ITGB2: variants seen among roughly 807,000 people sequenced by gnomAD.
ITGB2 encodes the protein integrin beta-2.
In ITGB2, 56 loss-of-function variants were observed where a neutral mutation model predicts 86.8. The ratio of observed to expected loss-of-function variants is 0.65; its 90% confidence interval spans 0.52 to 0.81. The LOEUF is 0.81. Among genes scored for constraint, ITGB2 ranks in the 30% least tolerant of loss-of-function variants. The probability of loss-of-function intolerance (pLI) is 0.00; values close to 1 mark genes in which losing one functional copy is unlikely to be tolerated. For synonymous variants in ITGB2, 457 were observed against 450.4 expected (o/e 1.01, Z -0.19); for missense variants, 948 against 1,061.2 (o/e 0.89, Z 1.48).
chr21:44,927,613 T>G, intron 1 of ITGB2: 1 of 152,240 alleles, frequency 6.6e-6, no homozygotes, highest in Admixed American at 6.5e-5. Flanking sequence ...CTTTTTCACT[T>G]CTTCCCCCCA....
chr21:44,902,782 G>T (rs368385790), intron 5 of ITGB2, among the ~76,000 whole-genome samples: 1 of 152,066 alleles, frequency 6.6e-6, no homozygotes, highest in Non-Finnish European at 1.5e-5. Flanking sequence ...GTGTGTGAGC[G>T]TGCATTTGTG....
chr21:44,906,770 TG>T, intron 4 of ITGB2, 144 bp downstream of exon 4: 2 of 817,264 alleles, frequency 2.4e-6, no homozygotes, highest in Non-Finnish European at 4.0e-6. Context: ...CCAGCAGCCT[TG>T]GGGCTTCACT....
At position 44,892,090 on chromosome 21, in the gene ITGB2, T is replaced by G. The variant is rs1038124306; in HGVS notation, c.1225-94A>C. ...CACCTCCTGGCCTCTGCAGGGGTCC[T>G]GGGGGGTTCAGCGTGGGGAGGAAGG... is the stretch of plus-strand genomic sequence containing the variant. On this transcript the variant is annotated intron_variant, in intron 10 of 15. Transcript: ENST00000652462. 619 of 1,290,158 alleles carry G rather than the reference T, an allele frequency of 4.8e-4. 8 individuals are homozygous for G. Among genetic ancestry groups the G allele is most frequent in the Non-Finnish European group, 9.6e-5 (88 of 919,446 alleles). The allele number at this position is 1,290,158 out of a possible 1,614,324, so 79.9% of individuals were successfully genotyped here.
In ITGB2 at chr21:44,902,837, T is replaced by C. The variant is rs2083985254; in HGVS notation, c.499+528A>G. ...GTGTGTGTGTGTTATCGTGCATGTG[T>C]GCATCCCCGCATGTAGGGAAGGTGG... is the stretch of plus-strand genomic sequence containing the variant. On this transcript the variant is annotated intron_variant, in intron 5 of 15. Coordinates refer to ENST00000652462, the MANE Select transcript of ITGB2 (RefSeq NM_000211.5). 2.0e-5 allele frequency among the ~76,000 whole-genome samples: 3 copies of C among 152,338 alleles called. No homozygotes were observed. The South Asian group carries it at 6.2e-4, about 32-fold the overall frequency.
rs561251271 is a variant in ITGB2, at chr21:44,886,201, G to A, written c.*167C>T. 5.4e-3 allele frequency: 3,745 copies of A among 689,398 alleles called. 18 individuals are homozygous for A. Among genetic ancestry groups the A allele is most frequent in the Non-Finnish European group, 7.8e-3 (2,972 of 380,286 alleles). 42.7% of individuals were successfully genotyped at this position (689,398 alleles called of 1,614,324 possible). On this transcript the variant is annotated 3_prime_UTR_variant, in exon 16 of 16. Coordinates refer to ENST00000652462, the MANE Select transcript of ITGB2 (RefSeq NM_000211.5). Reference sequence around the variant, plus strand: ...GTCAGAGTGGAGCTGTCCCCCCGACGAGCCCCCAGAAGCACCCGGCCGGCC... The same window carrying A: ...GTCAGAGTGGAGCTGTCCCCCCGACAAGCCCCCAGAAGCACCCGGCCGGCC...
At chr21:44,896,040 A>C (rs1014246550) in intron 8 of ITGB2, among the ~76,000 whole-genome samples, 4 of 151,776 alleles carry the variant, frequency 2.6e-5, no homozygotes, top group Admixed American at 2.6e-4. Context: ...CTGCGGTGTG[A>C]GTGCTCCCGC....
At chr21:44,924,567 A>C (rs940928266), upstream of ITGB2, among the ~76,000 whole-genome samples, 1 of 152,248 alleles carries the variant, frequency 6.6e-6, no homozygotes, top group South Asian at 2.1e-4. Context: ...AATGATAAAC[A>C]CATAATTACT....
At position 44,891,935 on chromosome 21, in the gene ITGB2, C is replaced by T. The variant is rs775531955; in HGVS notation, c.1286G>A (p.Arg429Gln). ...CACTATGTCCGTGAAGCCCAGCGCC[C>T]GGATGACAAACGACTGCTCCTGGAT... is the stretch of plus-strand genomic sequence containing the variant. ...ECIQEQSFVI[R>Q]ALGFTDIVTV... The change falls in exon 11 of 16, where the codon CGG becomes CAG. Residue 429 changes from arginine (R) to glutamine (Q), a missense_variant. Coordinates refer to ENST00000652462, the MANE Select transcript of ITGB2 (RefSeq NM_000211.5). The T allele has an allele frequency of 4.3e-6, 7 of 1,613,298 alleles. No individual in the cohort carries two copies. Among genetic ancestry groups the T allele is most frequent in the Admixed American group, 1.7e-5 (1 of 60,004 alleles).
chr21:44,886,619 C>T, intron 15 of ITGB2, 117 bp downstream of exon 15: 2 of 1,504,792 alleles, frequency 1.3e-6, no homozygotes, highest in South Asian at 1.1e-5. Context: ...GGACAAGCTG[C>T]CTGGGGAGGC....
intron 1 of ITGB2, among the ~76,000 whole-genome samples, chr21:44,918,695 T>C (rs1254555045): frequency 2.0e-5 from 3 of 152,198 alleles, no homozygotes; most frequent in Non-Finnish European, 4.4e-5. Context: ...CTCCTGGTGG[T>C]GGCCGTGTTG....
At chr21:44,910,889 T>G in intron 1 of ITGB2, 104 bp from the exon 2 acceptor site, 1 of 1,159,042 alleles carries the variant, frequency 8.6e-7, no homozygotes, top group Non-Finnish European at 1.3e-6. Context: ...GCTGGGGCCC[T>G]GTCCCTGCTG....
intron 4 of ITGB2, among the ~76,000 whole-genome samples, chr21:44,904,299 G>GAC (rs557327809): frequency 0.037 from 5,612 of 151,782 alleles, 344 homozygotes; most frequent in African/African-American, 0.13. Flanking sequence ...CCTCCTCACA[G>GAC]ACACACACAC....
Position 44,893,457 on chromosome 21 carries a change from T to A in ITGB2, c.1171A>T (p.Thr391Ser). ...TYDSFCSNGVTHRNQPRGDCD... is the reference protein window; with the variant it reads ...TYDSFCSNGVSHRNQPRGDCD... ...TCACCTCTGGGCTGGTTCCTGTGCGTCACTCCATTGCTGCAGAAGGAGTCG... is the reference window on the plus strand; with the variant it reads ...TCACCTCTGGGCTGGTTCCTGTGCGACACTCCATTGCTGCAGAAGGAGTCG... The change falls in exon 10 of 16, where the codon ACG (threonine) becomes TCG (serine). Residue 391 changes from threonine (T) to serine (S), a missense_variant. By Grantham distance (58) the Thr-to-Ser change is moderately conservative. Coordinates refer to ENST00000652462, the MANE Select transcript of ITGB2 (RefSeq NM_000211.5). 1 of 1,614,182 alleles carries A rather than the reference T, an allele frequency of 6.2e-7. No homozygotes were observed. Among genetic ancestry groups the A allele is most frequent in the Non-Finnish European group, 8.5e-7 (1 of 1,180,012 alleles).
chr21:44,907,338 C>A (rs931960121), intron 3 of ITGB2, among the ~76,000 whole-genome samples: 2 of 152,178 alleles, frequency 1.3e-5, no homozygotes, highest in African/African-American at 2.4e-5. Flanking sequence ...CTGCCTCTAG[C>A]GGCAGAAAGG....
intron 7 of ITGB2, among the ~76,000 whole-genome samples, chr21:44,899,981 G>A (rs2083925933): frequency 2.0e-5 from 3 of 152,212 alleles, no homozygotes; most frequent in Admixed American, 6.5e-5. Context: ...CAGAGGCGGG[G>A]ACGGCAGGGT....
chr21:44,915,129 T>C (rs538416769), intron 1 of ITGB2, among the ~76,000 whole-genome samples: 1 of 152,194 alleles, frequency 6.6e-6, no homozygotes, highest in East Asian at 1.9e-4. Context: ...GTTCATGCCA[T>C]TCTCCTGCCT....
intron 10 of ITGB2, 162 bp downstream of exon 10, chr21:44,893,242 G>T: frequency 1.3e-6 from 1 of 765,678 alleles, no homozygotes; most frequent in Admixed American, 2.2e-5. Context: ...TGATGCCTGT[G>T]TGCCCCTCCC....
chr21:44,902,559 G>A (rs571953254), intron 5 of ITGB2, among the ~76,000 whole-genome samples: 1 of 151,734 alleles, frequency 6.6e-6, no homozygotes, highest in South Asian at 2.1e-4. Flanking sequence ...ACGTGTGTGT[G>A]CATTTGAGTT....
At chr21:44,924,491 G>T (rs541913318), upstream of ITGB2, among the ~76,000 whole-genome samples, 1 of 152,218 alleles carries the variant, frequency 6.6e-6, no homozygotes, top group South Asian at 2.1e-4. Context: ...AATTTGGCAG[G>T]TAGAGAATTT....
Sources: gnomAD v4.1 joint callset for allele counts (sites outside exome capture counted in the v4.1 genomes callset) on GRCh38, gnomAD v4.1.1 for gene constraint, MANE v1.5 for transcripts, NCBI Gene and HGNC (gene_info 2026-07-23, HGNC 2026-07-21) for gene names.